The following STK40 variants were observed in gnomAD, a reference collection of about 807,000 sequenced individuals.
The protein encoded by STK40 is serine/threonine kinase 40.
Under a neutral mutation model 47.9 loss-of-function variants are expected in STK40, and 13 were observed. That is an observed-to-expected ratio of 0.27 (90% confidence interval 0.18 to 0.43). The LOEUF is 0.43. STK40 is among the 20% of genes least tolerant of loss of function. The pLI, the probability that STK40 is intolerant of heterozygous loss-of-function variation, is 1.00. For missense variants in STK40, 460 were observed against 595.1 expected, an observed-to-expected ratio of 0.77 and a Z score of 2.36; for synonymous variants, 225 against 243.2, an observed-to-expected ratio of 0.93 and a Z score of 0.69.
chr1:36,375,273 G>A (rs917178266), intron 1 of STK40, among the ~76,000 whole-genome samples: 16 of 152,150 alleles, frequency 1.1e-4, no homozygotes, highest in Admixed American at 4.6e-4. Context: ...TTAGGAGGCC[G>A]AGGCAGGTTG....
At chr1:36,353,998 CAA>C (rs1646781044) in intron 6 of STK40, among the ~76,000 whole-genome samples, 2 of 152,170 alleles carry the variant, frequency 1.3e-5, no homozygotes, top group South Asian at 4.1e-4. Context: ...CTCCTGGGCT[CAA>C]GTGATCCTCC....
At chr1:36,379,515 G>T (rs1489980574) in intron 1 of STK40, among the ~76,000 whole-genome samples, 4 of 151,922 alleles carry the variant, frequency 2.6e-5, no homozygotes, top group African/African-American at 9.7e-5. Context: ...CGAGTAGCTG[G>T]GACTACAGGT....
At chr1:36,381,479 C>T (rs1647038712) in intron 1 of STK40, among the ~76,000 whole-genome samples, 2 of 152,038 alleles carry the variant, frequency 1.3e-5, no homozygotes, top group African/African-American at 2.4e-5. Flanking sequence ...TCTTCACGAT[C>T]CAATTCAAGT....
intron 7 of STK40, 111 bp from the exon 8 acceptor site, chr1:36,344,375 C>A: frequency 7.1e-7 from 1 of 1,403,492 alleles, no homozygotes; most frequent in African/African-American, 1.4e-5. Flanking sequence ...CCAGTCCCCC[C>A]AGAGTCGTCC....
At chr1:36,346,081 G>A (rs1394536258) in intron 7 of STK40, among the ~76,000 whole-genome samples, 9 of 132,342 alleles carry the variant, frequency 6.8e-5, no homozygotes, top group African/African-American at 5.8e-5. Context: ...TGCAAGCTCC[G>A]CCTCCCAGGT....
chr1:36,348,779 C>A lies in STK40; in HGVS notation c.660G>T (p.Gly220=). ...GGTCCCCCTCGCTCACCAGATGCTT[C>A]CCGAGGCAGAAGTTGGTGATGGTTA... is the stretch of plus-strand genomic sequence containing the variant. ...HRITITNFCL[G]KHLVSEGDLL... The change falls in exon 7 of 11, where the codon GGG becomes GGT. Residue 220 remains glycine, a synonymous_variant. Transcript: ENST00000373132. 3 of 1,609,154 alleles carry A rather than the reference C, an allele frequency of 1.9e-6. No homozygotes were observed. Among genetic ancestry groups the A allele is most frequent in the Non-Finnish European group, 2.5e-6 (3 of 1,177,560 alleles).
At position 36,339,689 on chromosome 1, in the gene STK40, T is replaced by C. The variant is rs923098431; in HGVS notation, c.*2066A>G. ...AGAGTCCCCATGTAGTACAAAAATA[T>C]GTCTTTATACAAACTTTTTTGTGAC... is the stretch of plus-strand genomic sequence containing the variant. On this transcript the variant is annotated 3_prime_UTR_variant, in exon 11 of 11. Coordinates refer to ENST00000373132, the MANE Select transcript of STK40 (RefSeq NM_001282547.2). 2.0e-5 allele frequency: 3 copies of C among 152,730 alleles called. No homozygotes were observed. Among genetic ancestry groups the C allele is most frequent in the Non-Finnish European group, 4.4e-5 (3 of 68,058 alleles). The allele number at this position is 152,730 out of a possible 1,614,324, so 9.5% of individuals were successfully genotyped here.
In STK40 at chr1:36,384,758, G is replaced by A. The variant is rs921497642; in HGVS notation, c.-9+965C>T. 5.9e-5 allele frequency among the ~76,000 whole-genome samples: 9 copies of A among 152,204 alleles called. No individual in the cohort carries two copies. In the East Asian group the frequency reaches 1.5e-3, roughly 26 times the overall value. On this transcript the variant is annotated intron_variant, in intron 1 of 10. Coordinates refer to ENST00000373132, the MANE Select transcript of STK40 (RefSeq NM_001282547.2). Reference sequence around the variant, plus strand: ...ACCCAACCAACAACTTGCACAGCACGGCCATTAGGAAGCACTAAAGGAGCT... The same window carrying A: ...ACCCAACCAACAACTTGCACAGCACAGCCATTAGGAAGCACTAAAGGAGCT...
At chr1:36,364,019 T>C (rs867947224) in intron 1 of STK40, among the ~76,000 whole-genome samples, 10 of 142,990 alleles carry the variant, frequency 7.0e-5, no homozygotes, top group South Asian at 2.3e-4. Flanking sequence ...GGTGTGGTGG[T>C]GGGCACCTGT....
chr1:36,354,642 G>C (rs994162711), intron 5 of STK40, among the ~76,000 whole-genome samples: 1 of 152,190 alleles, frequency 6.6e-6, no homozygotes, highest in African/African-American at 2.4e-5. Context: ...CCCATCTGTG[G>C]CAGCTTCTTT....
intron 1 of STK40, among the ~76,000 whole-genome samples, chr1:36,384,132 C>G (rs1647065113): frequency 6.6e-6 from 1 of 151,756 alleles, no homozygotes; most frequent in African/African-American, 2.4e-5. Flanking sequence ...TAGGTTCAAG[C>G]AATTCTCCTG....
chr1:36,348,905 C>T (rs767481882), intron 6 of STK40, 90 bp from the exon 7 acceptor site: 120 of 1,101,172 alleles, frequency 1.1e-4, no homozygotes, highest in Non-Finnish European at 1.6e-4. Context: ...TGGGCCAACA[C>T]CCAATCCTGA....
intron 1 of STK40, among the ~76,000 whole-genome samples, chr1:36,374,496 G>A (rs1646975482): frequency 1.3e-5 from 2 of 152,344 alleles, no homozygotes; most frequent in South Asian, 4.1e-4. Flanking sequence ...GTCACACTGA[G>A]AGCCACCAGA....
intron 1 of STK40, among the ~76,000 whole-genome samples, chr1:36,382,458 C>T (rs894204676): frequency 7.9e-5 from 12 of 152,138 alleles, no homozygotes; most frequent in Admixed American, 7.9e-4. Flanking sequence ...GGATTACAGG[C>T]GTTAGCCACC....
chr1:36,346,286 G>A (rs138395510), intron 7 of STK40, among the ~76,000 whole-genome samples: 2,571 of 152,034 alleles, frequency 0.017, 74 homozygotes, highest in African/African-American at 0.058. Flanking sequence ...GAGCCACCGC[G>A]CCTGGCTGGT....
At chr1:36,382,625 GAATAA>G (rs1438896779) in intron 1 of STK40, among the ~76,000 whole-genome samples, 2 of 152,152 alleles carry the variant, frequency 1.3e-5, no homozygotes, top group Admixed American at 6.5e-5. Flanking sequence ...TTTTCAGAAA[GAATAA>G]AATAAAACTC....
chr1:36,368,401 T>C (rs1235430211), intron 1 of STK40, among the ~76,000 whole-genome samples: 1 of 152,132 alleles, frequency 6.6e-6, no homozygotes, highest in Non-Finnish European at 1.5e-5. Flanking sequence ...CTGGCACACA[T>C]TACCATACCT....
intron 6 of STK40, among the ~76,000 whole-genome samples, chr1:36,354,045 G>A (rs575889663): frequency 2.0e-5 from 3 of 152,204 alleles, no homozygotes; most frequent in African/African-American, 7.2e-5. Flanking sequence ...GATTACAGGC[G>A]GGAGCCACCG....
chr1:36,342,916 C>A lies in STK40; in HGVS notation c.1089+448G>T, dbSNP rs551396282. On this transcript the variant is annotated intron_variant, in intron 10 of 10. Transcript: ENST00000373132. ...CCTAAGATCACCTGCCCTCTGCTGC[C>A]TGGTGCCCAAGTCTCTGCCCCCACC... The A allele has an allele frequency of 7.5e-5, 37 of 491,626 alleles. 1 individual carries two copies. In the South Asian group the frequency reaches 7.6e-4, roughly 10 times the overall value. 30.5% of individuals were successfully genotyped at this position (491,626 alleles called of 1,614,324 possible).
Sources: gnomAD v4.1 joint callset for allele counts (sites outside exome capture counted in the v4.1 genomes callset) on GRCh38, gnomAD v4.1.1 for gene constraint, MANE v1.5 for transcripts, NCBI Gene and HGNC (gene_info 2026-07-23, HGNC 2026-07-21) for gene names.